MCM8: variants seen among roughly 807,000 people sequenced by gnomAD.
The protein encoded by MCM8 is minichromosome maintenance 8 homologous recombination repair factor, also known as DNA helicase MCM8.
Under a neutral mutation model 98.9 loss-of-function variants are expected in MCM8, and 85 were observed. That is an observed-to-expected ratio of 0.86 (90% confidence interval 0.72 to 1.03). MCM8 has a LOEUF of 1.03. MCM8 is among the 50% of genes least tolerant of loss of function. The pLI, the probability that MCM8 is intolerant of heterozygous loss-of-function variation, is 0.00. For missense variants in MCM8, 951 were observed against 997.8 expected (o/e 0.95, Z 0.63); for synonymous variants, 352 against 338.6 (o/e 1.04, Z -0.44).
At chr20:5,986,187 T>G (rs891104164) in intron 16 of MCM8, 56 bp downstream of exon 16, 25 of 1,504,346 alleles carry the variant, frequency 1.7e-5, no homozygotes, top group Non-Finnish European at 2.2e-5. Context: ...GGGTGTGCCT[T>G]GACTTCTCTT....
intron 10 of MCM8, among the ~76,000 whole-genome samples, chr20:5,970,540 A>G (rs1410650423): frequency 1.3e-5 from 2 of 152,100 alleles, no homozygotes; most frequent in Non-Finnish European, 2.9e-5. Flanking sequence ...ACACCTCAGC[A>G]CTTCTGGCCT....
In MCM8 at chr20:5,952,405, A is replaced by G. The variant is rs775517826; in HGVS notation, c.149-19A>G. 22 of 1,607,832 alleles carry G rather than the reference A, an allele frequency of 1.4e-5. No individual in the cohort carries two copies. The highest frequency in any genetic ancestry group is 1.9e-5 in the Non-Finnish European group (22 of 1,175,572). ...ATGTTCACTCTGTTTCTACTAACCT[A>G]GTATTTTATTTTTTTCAGAACAAAC... On this transcript the variant is annotated intron_variant, in intron 2 of 18. Coordinates refer to ENST00000610722, the MANE Select transcript of MCM8 (RefSeq NM_032485.6).
At chr20:5,972,181 A>T (rs2089418536) in intron 11 of MCM8, 144 bp downstream of exon 11, 1 of 517,026 alleles carries the variant, frequency 1.9e-6, no homozygotes, top group South Asian at 2.8e-5. Context: ...ATGGGAGGCA[A>T]GCAAACTATA....
chr20:5,972,791 G>T (rs188762233), intron 11 of MCM8: 3 of 1,403,486 alleles, frequency 2.1e-6, no homozygotes, highest in African/African-American at 2.9e-5. Flanking sequence ...AATATTTCTC[G>T]TTTTTGTGGA....
chr20:5,985,041 G>T, intron 15 of MCM8, 41 bp downstream of exon 15: 1 of 1,534,836 alleles, frequency 6.5e-7, no homozygotes, highest in South Asian at 1.1e-5. Flanking sequence ...GGTTCTGTTT[G>T]AATGTCAAAG....
chr20:5,951,732 G>A (rs771587554), intron 1 of MCM8, among the ~76,000 whole-genome samples: 2 of 151,836 alleles, frequency 1.3e-5, no homozygotes, highest in African/African-American at 4.8e-5. Flanking sequence ...TTGTAAACAG[G>A]TACAGTACCT....
intron 11 of MCM8, 23 bp downstream of exon 11, chr20:5,972,060 A>T (rs1272148073): frequency 6.3e-7 from 1 of 1,593,336 alleles, no homozygotes; most frequent in Admixed American, 1.7e-5. Context: ...CTTCATCTTT[A>T]CTCAAAAAGT....
At chr20:5,962,787 G>A (rs1437920857) in intron 7 of MCM8, among the ~76,000 whole-genome samples, 1 of 152,200 alleles carries the variant, frequency 6.6e-6, no homozygotes, top group Non-Finnish European at 1.5e-5. Flanking sequence ...AATGCTTCTT[G>A]AGATCCAAAC....
At chr20:5,962,037 CCT>C (rs1459458297) in intron 7 of MCM8, among the ~76,000 whole-genome samples, 3 of 152,214 alleles carry the variant, frequency 2.0e-5, no homozygotes, top group African/African-American at 7.2e-5. Flanking sequence ...TGGCTCCAGG[CCT>C]CTCATGGAGT....
At chr20:5,991,929 T>G (rs2089861237) in intron 17 of MCM8, among the ~76,000 whole-genome samples, 1 of 152,208 alleles carries the variant, frequency 6.6e-6, no homozygotes, top group South Asian at 2.1e-4. Context: ...CTTTTAAGAT[T>G]ACATTTTAAC....
chr20:5,990,265 C>T (rs566774182), intron 17 of MCM8, among the ~76,000 whole-genome samples: 6 of 152,018 alleles, frequency 3.9e-5, no homozygotes, highest in Non-Finnish European at 7.4e-5. Flanking sequence ...TTGGTAGAGA[C>T]GGGGTTTTGC....
chr20:5,990,647 T>C (rs577468476), intron 17 of MCM8, among the ~76,000 whole-genome samples: 5 of 152,268 alleles, frequency 3.3e-5, no homozygotes, highest in African/African-American at 1.2e-4. Context: ...CCTGACTTCT[T>C]GTGGGTATGG....
intron 3 of MCM8, among the ~76,000 whole-genome samples, chr20:5,953,863 A>C (rs1248660031): frequency 1.3e-5 from 2 of 152,076 alleles, no homozygotes; most frequent in African/African-American, 4.8e-5. Context: ...TTTGTGAATG[A>C]ATAGAGTACT....
At position 5,973,141 on chromosome 20, in the gene MCM8, A is replaced by C; in HGVS notation, c.1340A>C (p.Asp447Ala). 1.2e-6 allele frequency: 2 copies of C among 1,614,152 alleles called. No individual in the cohort carries two copies. Among genetic ancestry groups the C allele is most frequent in the Admixed American group, 1.7e-5 (1 of 60,026 alleles). ...DDKNRIPIRG[D>A]PHILVVGDPG... Reference sequence around the variant, plus strand: ...AAAAACAGAATTCCAATTCGGGGAGACCCCCACATCCTTGTTGTTGGAGAT... The same window carrying C: ...AAAAACAGAATTCCAATTCGGGGAGCCCCCCACATCCTTGTTGTTGGAGAT... Residue 447 changes from aspartate to alanine, a missense_variant, in exon 12 of 19, where the codon GAC becomes GCC. By Grantham distance (126) the Asp-to-Ala change is moderately radical (BLOSUM62 -2). Transcript: ENST00000610722.
intron 15 of MCM8, among the ~76,000 whole-genome samples, chr20:5,985,314 C>T (rs2089708724): frequency 6.6e-6 from 1 of 151,132 alleles, no homozygotes; most frequent in Non-Finnish European, 1.5e-5. Flanking sequence ...CATGGTGGTG[C>T]GTGTCTGTAA....
rs201030983 is a variant in MCM8, at chr20:5,982,983, C to T, written c.1551C>T (p.Ile517=). The T allele has an allele frequency of 6.2e-6, 10 of 1,609,892 alleles. No individual in the cohort carries two copies. Among genetic ancestry groups the T allele is most frequent in the East Asian group, 4.5e-5 (2 of 44,702 alleles). The change falls in exon 14 of 19, where the codon ATC becomes ATT. Residue 517 remains isoleucine (I), a synonymous_variant. Transcript: ENST00000610722. ...CTTCGATTGTAGGTATTTGTGGAATCGATGAATTTGATAAGATGGGGAATC... is the reference window on the plus strand; with the variant it reads ...CTTCGATTGTAGGTATTTGTGGAATTGATGAATTTGATAAGATGGGGAATC... ...LVLGDQGICG[I]DEFDKMGNQH...
chr20:5,958,809 G>T, intron 7 of MCM8, 83 bp downstream of exon 7: 1 of 1,217,722 alleles, frequency 8.2e-7, no homozygotes, highest in South Asian at 1.4e-5. Flanking sequence ...CAGTGTTTCT[G>T]AACACAGAGC....
chr20:5,975,242 G>A (rs916845751), intron 12 of MCM8, among the ~76,000 whole-genome samples: 7 of 150,160 alleles, frequency 4.7e-5, no homozygotes, highest in South Asian at 2.1e-4. Context: ...CTGGGCAATA[G>A]AGCAAGACCC....
rs1600295929 is a variant in MCM8 at position 5,983,027 on chromosome 20, A to C, written c.1595A>C (p.Glu532Ala). 2 of 1,613,848 alleles carry C rather than the reference A, an allele frequency of 1.2e-6. No individual in the cohort carries two copies. Among genetic ancestry groups the C allele is most frequent in the South Asian group, 2.2e-5 (2 of 90,954 alleles). ...KMGNQHQALLEAMEQQSISLA... is the reference protein window; with the variant it reads ...KMGNQHQALLAAMEQQSISLA... Reference sequence around the variant, plus strand: ...GGGAATCAACATCAAGCCTTGTTGGAAGCCATGGAGCAGCAAAGTATTAGT... The same window carrying C: ...GGGAATCAACATCAAGCCTTGTTGGCAGCCATGGAGCAGCAAAGTATTAGT... The change falls in exon 14 of 19, where the codon GAA becomes GCA. Residue 532 changes from glutamate to alanine, a missense_variant. Transcript: ENST00000610722.
Sources: allele counts gnomAD v4.1 joint callset (sites outside exome capture counted in the v4.1 genomes callset), GRCh38; gene constraint gnomAD v4.1.1; transcripts MANE v1.5; gene names NCBI Gene and HGNC (gene_info 2026-07-23, HGNC 2026-07-21).